Variants in ATP10A observed in about 807,000 individuals in gnomAD.
The protein encoded by ATP10A is ATPase phospholipid transporting 10A (putative).
Under a neutral mutation model 147.8 loss-of-function variants are expected in ATP10A, and 111 were observed. That is an observed-to-expected ratio of 0.75 (90% CI 0.64 to 0.88). The LOEUF (loss-of-function observed/expected upper bound fraction) is 0.88. ATP10A is among the 40% of genes least tolerant of loss of function. The pLI is 0.00. For missense variants in ATP10A, 1,927 were observed against 1,959.0 expected (o/e 0.98, Z 0.31); for synonymous variants, 875 against 841.6 (o/e 1.04, Z -0.69).
At chr15:25,718,151 A>C in intron 8 of ATP10A, 31 bp downstream of exon 8, 1 of 1,597,830 alleles carries the variant, frequency 6.3e-7, no homozygotes, top group Non-Finnish European at 8.6e-7. Flanking sequence ...GAGACGTGGC[A>C]GCACCCTAGC....
At chr15:25,786,782 T>C (rs1424779300) in intron 1 of ATP10A, among the ~76,000 whole-genome samples, 3 of 136,416 alleles carry the variant, frequency 2.2e-5, no homozygotes, top group African/African-American at 5.4e-5. Context: ...CCCACCACCA[T>C]GCCCAGCTAG....
intron 1 of ATP10A, among the ~76,000 whole-genome samples, chr15:25,835,734 C>T (rs111964334): frequency 6.6e-6 from 1 of 152,170 alleles, no homozygotes; most frequent in Non-Finnish European, 1.5e-5. Flanking sequence ...CGGGCTCAAG[C>T]GGTCCTCCCA....
Position 25,717,420 on chromosome 15 carries a change from G to A in ATP10A, c.1582-496C>T, listed in dbSNP as rs28589914. On this transcript the variant is annotated intron_variant, in intron 8 of 20. Transcript: ENST00000555815. ...ATATGTAGCAATCCTTGGCTGAATCGCTAAATTGCTAGACGAGAAAGTTTG... is the reference window on the plus strand; with the variant it reads ...ATATGTAGCAATCCTTGGCTGAATCACTAAATTGCTAGACGAGAAAGTTTG... Among the ~76,000 whole-genome samples the A allele has an allele frequency of 4.5e-3, 679 of 152,228 alleles. 8 individuals are homozygous for A. Among genetic ancestry groups the A allele is most frequent in the African/African-American group, 0.015 (643 of 41,530 alleles).
Position 25,687,658 on chromosome 15 carries a change from C to G in ATP10A, c.3291+45G>C. The stretch of plus-strand genomic sequence containing the variant: ...TCATTCAGGCGATGGTCCTAAGAAC[C>G]GAACCTTCCAATCCCAAAACTCTAG... On this transcript the variant is annotated intron_variant, in intron 16 of 20. Coordinates refer to ENST00000555815, the MANE Select transcript of ATP10A (RefSeq NM_024490.4). 6.5e-6 allele frequency: 10 copies of G among 1,541,942 alleles called. No individual in the cohort carries two copies. In the South Asian group the frequency reaches 1.3e-4, roughly 19 times the overall value.
intron 1 of ATP10A, among the ~76,000 whole-genome samples, chr15:25,798,439 A>G (rs1332620742): frequency 6.6e-6 from 1 of 152,136 alleles, no homozygotes; most frequent in Non-Finnish European, 1.5e-5. Flanking sequence ...GGGAATCCTA[A>G]AGCCTCAGCA....
intron 16 of ATP10A, among the ~76,000 whole-genome samples, chr15:25,684,256 A>G (rs919289004): frequency 3.3e-4 from 50 of 152,338 alleles, no homozygotes; most frequent in African/African-American, 1.1e-3. Flanking sequence ...ATTCCTGAAT[A>G]TCAGCAGCCT....
chr15:25,698,955 A>G (rs1900511781), intron 13 of ATP10A, among the ~76,000 whole-genome samples: 1 of 152,234 alleles, frequency 6.6e-6, no homozygotes, highest in Non-Finnish European at 1.5e-5. Context: ...GAAGACCTAA[A>G]AAATGTAGAG....
At position 25,708,183 on chromosome 15, in the gene ATP10A, A is replaced by G; in HGVS notation, c.2448+14T>C. The G allele has an allele frequency of 6.2e-7, 1 of 1,614,134 alleles. No homozygotes were observed. Among genetic ancestry groups the G allele is most frequent in the South Asian group, 1.1e-5 (1 of 91,084 alleles). ...CACCTGCACGTGCACCCTCGCGGAG[A>G]CACCCCCACTCACTCTCTTGGCGAT... On this transcript the variant is annotated intron_variant, in intron 11 of 20. Transcript: ENST00000555815.
At chr15:25,706,410 C>T (rs1361670672) in intron 12 of ATP10A, among the ~76,000 whole-genome samples, 5 of 152,216 alleles carry the variant, frequency 3.3e-5, no homozygotes, top group Admixed American at 3.3e-4. Context: ...TCATCCCTTC[C>T]TTTCACCCTC....
At chr15:25,834,347 TA>T (rs1892501685) in intron 1 of ATP10A, among the ~76,000 whole-genome samples, 1 of 152,332 alleles carries the variant, frequency 6.6e-6, no homozygotes, top group East Asian at 1.9e-4. Context: ...AAGATTTGAC[TA>T]GACAATTCCC....
chr15:25,700,630 T>C (rs1489008818), intron 13 of ATP10A, among the ~76,000 whole-genome samples: 1 of 152,156 alleles, frequency 6.6e-6, no homozygotes, highest in Non-Finnish European at 1.5e-5. Context: ...AAGACAAAAC[T>C]GTAGTTCTGG....
At chr15:25,699,264 T>C (rs769136834) in intron 13 of ATP10A, among the ~76,000 whole-genome samples, 10 of 151,998 alleles carry the variant, frequency 6.6e-5, no homozygotes, top group Non-Finnish European at 1.3e-4. Context: ...GACAAACAAA[T>C]GAATGGAACA....
chr15:25,791,957 G>C (rs1454764634), intron 1 of ATP10A, among the ~76,000 whole-genome samples: 1 of 152,072 alleles, frequency 6.6e-6, no homozygotes, highest in East Asian at 1.9e-4. Flanking sequence ...TTGTTTCCAA[G>C]TATTGCTTGT....
chr15:25,726,778 A>G (rs944253444), intron 4 of ATP10A, among the ~76,000 whole-genome samples: 11 of 148,336 alleles, frequency 7.4e-5, no homozygotes, highest in East Asian at 6.6e-4. Context: ...GAGGCCGGGC[A>G]CGGTGACTCA....
At position 25,678,998 on chromosome 15, in the gene ATP10A, A is replaced by G. The variant is rs1321235038; in HGVS notation, c.*343T>C. On this transcript the variant is annotated 3_prime_UTR_variant, in exon 21 of 21. Transcript: ENST00000555815. Reference sequence around the variant, plus strand: ...ATGTTCACACCTGCCTGCATTAACCATGAGCAGTCACACATTTGTACTCAG... The same window carrying G: ...ATGTTCACACCTGCCTGCATTAACCGTGAGCAGTCACACATTTGTACTCAG... The G allele has an allele frequency of 6.5e-6, 1 of 153,388 alleles. No homozygotes were observed. Among genetic ancestry groups the G allele is most frequent in the Non-Finnish European group, 1.5e-5 (1 of 68,604 alleles). 9.5% of individuals were successfully genotyped at this position (153,388 alleles called of 1,614,324 possible).
At chr15:25,727,617 A>C (rs780395658) in intron 3 of ATP10A, among the ~76,000 whole-genome samples, 4 of 152,240 alleles carry the variant, frequency 2.6e-5, no homozygotes, top group Admixed American at 2.0e-4. Context: ...GTCTCTGTAC[A>C]TCTCCTGCTC....
intron 1 of ATP10A, among the ~76,000 whole-genome samples, chr15:25,823,424 C>G (rs1171624297): frequency 6.6e-6 from 1 of 152,172 alleles, no homozygotes; most frequent in Admixed American, 6.5e-5. Context: ...AACAAAGTGG[C>G]CTGCACAAGT....
intron 14 of ATP10A, among the ~76,000 whole-genome samples, chr15:25,693,079 T>C (rs1900122556): frequency 6.6e-6 from 1 of 152,106 alleles, no homozygotes; most frequent in African/African-American, 2.4e-5. Context: ...TGGAGTGTAG[T>C]GGTGTGATCA....
At chr15:25,767,304 G>A in intron 2 of ATP10A, among the ~76,000 whole-genome samples, 1 of 152,208 alleles carries the variant, frequency 6.6e-6, no homozygotes, top group Non-Finnish European at 1.5e-5. Context: ...TGAAGGGGGT[G>A]CCATGCAAGG....
Sources: allele counts gnomAD v4.1 joint callset (sites outside exome capture counted in the v4.1 genomes callset), GRCh38; gene constraint gnomAD v4.1.1; transcripts MANE v1.5; gene names NCBI Gene and HGNC (gene_info 2026-07-23, HGNC 2026-07-21).